Variants in FHIT observed in about 807,000 individuals in gnomAD.
FHIT encodes the protein bis(5'-adenosyl)-triphosphatase.
In FHIT, 19 loss-of-function variants were observed where a neutral mutation model predicts 17.9. The observed-to-expected ratio is 1.06, with a 90% CI of 0.74 to 1.56. The LOEUF (loss-of-function observed/expected upper bound fraction) is 1.56. Among genes scored for constraint, FHIT ranks in the 40% most tolerant of loss-of-function variants. The pLI is 0.00. For missense variants in FHIT, 248 were observed against 189.2 expected (o/e 1.31, Z -1.82); for synonymous variants, 81 against 69.7 (o/e 1.16, Z -0.81).
intron 8 of FHIT, among the ~76,000 whole-genome samples, chr3:59,917,024 G>A (rs1705165600): frequency 6.6e-6 from 1 of 152,172 alleles, no homozygotes; most frequent in African/African-American, 2.4e-5. Context: ...GGGACCCATG[G>A]ACTCTGAGCC....
At chr3:60,429,346 A>G (rs1169439368) in intron 5 of FHIT, among the ~76,000 whole-genome samples, 1 of 152,140 alleles carries the variant, frequency 6.6e-6, no homozygotes. Flanking sequence ...TGAGTAAGAC[A>G]TTAAAAAATT....
chr3:60,968,747 A>G (rs895264737), intron 3 of FHIT, among the ~76,000 whole-genome samples: 1 of 152,152 alleles, frequency 6.6e-6, no homozygotes, highest in African/African-American at 2.4e-5. Flanking sequence ...TGATTAAGGA[A>G]GCTCAGCTCT....
intron 7 of FHIT, among the ~76,000 whole-genome samples, chr3:60,009,912 A>G (rs1700075537): frequency 6.6e-6 from 1 of 152,204 alleles, no homozygotes; most frequent in South Asian, 2.1e-4. Flanking sequence ...TTTTGAGATC[A>G]TATAACCTAT....
At chr3:60,513,169 G>A (rs562216598) in intron 5 of FHIT, among the ~76,000 whole-genome samples, 1 of 152,300 alleles carries the variant, frequency 6.6e-6, no homozygotes, top group South Asian at 2.1e-4. Flanking sequence ...TGGCACAAAG[G>A]AAGTGTCTAC....
chr3:60,459,714 G>A (rs928974880), intron 5 of FHIT, among the ~76,000 whole-genome samples: 1 of 152,152 alleles, frequency 6.6e-6, no homozygotes, highest in Non-Finnish European at 1.5e-5. Context: ...TGCAAAGTCA[G>A]TAGGCTGAGC....
chr3:60,629,141 A>C (rs1464714297), intron 4 of FHIT, among the ~76,000 whole-genome samples: 1 of 152,084 alleles, frequency 6.6e-6, no homozygotes, highest in African/African-American at 2.4e-5. Context: ...TTTAGGGCAG[A>C]GGGAATGAGA....
intron 3 of FHIT, among the ~76,000 whole-genome samples, chr3:60,860,411 T>TATGTATATATGATA (rs1703658127): frequency 7.8e-6 from 1 of 128,510 alleles, no homozygotes; most frequent in Non-Finnish European, 1.8e-5. Context: ...ATGACATACA[T>TATGTATATATGATA]CATATGTATA....
chr3:60,982,018 C>T (rs1710518484), intron 3 of FHIT, among the ~76,000 whole-genome samples: 2 of 152,226 alleles, frequency 1.3e-5, no homozygotes, highest in Admixed American at 6.5e-5. Flanking sequence ...ATTACCATCA[C>T]CTCTTACCTG....
At chr3:60,798,645 G>A (rs1198451031) in intron 4 of FHIT, among the ~76,000 whole-genome samples, 1 of 151,950 alleles carries the variant, frequency 6.6e-6, no homozygotes, top group Non-Finnish European at 1.5e-5. Context: ...AAGAGACAAA[G>A]GCCCTACTGT....
rs1056572586 is a variant in FHIT at position 60,216,931 on chromosome 3, A to T, written c.104-202779T>A. ...ACTCCCTGACATCTGGATACTCAGG[A>T]TGGCTACTGTTATGATGGACAGATT... On this transcript the variant is annotated intron_variant, in intron 5 of 9. Transcript: ENST00000492590. Among the ~76,000 whole-genome samples the T allele has an allele frequency of 5.3e-5, 8 of 152,148 alleles. No individual in the cohort carries two copies. The East Asian group carries it at 1.5e-3, about 29-fold the overall frequency.
intron 5 of FHIT, among the ~76,000 whole-genome samples, chr3:60,032,187 A>C (rs1487643692): frequency 6.6e-6 from 1 of 152,176 alleles, no homozygotes; most frequent in Non-Finnish European, 1.5e-5. Flanking sequence ...TTTCCTTGGT[A>C]CTTCTCTATA....
intron 2 of FHIT, among the ~76,000 whole-genome samples, chr3:61,063,994 A>G (rs1476094195): frequency 2.0e-5 from 3 of 152,124 alleles, no homozygotes; most frequent in Non-Finnish European, 2.9e-5. Context: ...CATCCTTGCT[A>G]ACATACCTTG....
chr3:60,512,858 G>GAT (rs1435280311), intron 5 of FHIT, among the ~76,000 whole-genome samples: 1 of 152,014 alleles, frequency 6.6e-6, no homozygotes, highest in African/African-American at 2.4e-5. Flanking sequence ...TTAGACAATT[G>GAT]ATATATATTT....
chr3:60,146,508 A>G (rs1341087113), intron 5 of FHIT, among the ~76,000 whole-genome samples: 2 of 152,140 alleles, frequency 1.3e-5, no homozygotes, highest in Admixed American at 6.6e-5. Context: ...CTGCAGAGGA[A>G]TGTTCTCAGA....
intron 5 of FHIT, among the ~76,000 whole-genome samples, chr3:60,498,525 GCTTT>G (rs2107517844): frequency 6.6e-6 from 1 of 152,230 alleles, no homozygotes; most frequent in East Asian, 1.9e-4. Flanking sequence ...ACAAATAATA[GCTTT>G]CTATTAGGTT....
intron 5 of FHIT, among the ~76,000 whole-genome samples, chr3:60,157,189 T>C (rs1700738355): frequency 6.6e-6 from 1 of 152,152 alleles, no homozygotes; most frequent in Non-Finnish European, 1.5e-5. Flanking sequence ...TAAGAGTTGC[T>C]AGAGTAATGG....
intron 3 of FHIT, among the ~76,000 whole-genome samples, chr3:60,957,496 C>G (rs1490630148): frequency 6.6e-6 from 1 of 152,148 alleles, no homozygotes; most frequent in Non-Finnish European, 1.5e-5. Context: ...CTTGGCCTCC[C>G]AAAGTGCTGG....
At chr3:60,724,306 A>G (rs1391197712) in intron 4 of FHIT, among the ~76,000 whole-genome samples, 2 of 152,256 alleles carry the variant, frequency 1.3e-5, no homozygotes, top group African/African-American at 2.4e-5. Context: ...AACATGTATC[A>G]GCACTACATT....
intron 8 of FHIT, among the ~76,000 whole-genome samples, chr3:59,754,884 T>C (rs896202391): frequency 6.6e-6 from 1 of 152,108 alleles, no homozygotes; most frequent in Non-Finnish European, 1.5e-5. Flanking sequence ...TGGTTCTGTT[T>C]AGAACAGCGG....
Sources: allele counts gnomAD v4.1 joint callset (sites outside exome capture counted in the v4.1 genomes callset), GRCh38; gene constraint gnomAD v4.1.1; transcripts MANE v1.5; gene names NCBI Gene and HGNC (gene_info 2026-07-23, HGNC 2026-07-21).